GHR: variants seen among roughly 807,000 people sequenced by gnomAD.
GHR encodes the protein GH receptor.
Under a neutral mutation model 67.1 loss-of-function variants are expected in GHR, and 35 were observed. The ratio of observed to expected loss-of-function variants is 0.52; its 90% CI spans 0.40 to 0.69. GHR has a LOEUF of 0.69. GHR is among the 30% of genes least tolerant of loss of function. GHR has a pLI of 0.00. For synonymous variants in GHR, 272 were observed against 269.1 expected (o/e 1.01, Z -0.10); for missense variants, 792 against 764.6 (o/e 1.04, Z -0.42).
intron 3 of GHR, among the ~76,000 whole-genome samples, chr5:42,674,961 G>C (rs902950581): frequency 1.3e-5 from 2 of 152,084 alleles, no homozygotes; most frequent in Non-Finnish European, 2.9e-5. Flanking sequence ...TTTACATTCT[G>C]AACAGAAGTG....
chr5:42,525,696 A>G (rs1747677261), intron 1 of GHR, among the ~76,000 whole-genome samples: 1 of 152,166 alleles, frequency 6.6e-6, no homozygotes, highest in South Asian at 2.1e-4. Context: ...TATCTCCCAG[A>G]ATTCCCACAG....
chr5:42,474,257 C>CAGAAAGAAAGAAAGAAAGAA (rs202146050), intron 1 of GHR, among the ~76,000 whole-genome samples: 3,316 of 87,748 alleles, frequency 0.038, 104 homozygotes, highest in Non-Finnish European at 0.049. Flanking sequence ...GAAAGACAGA[C>CAGAAAGAAAGAAAGAAAGAA]AGAAAGAAAG....
intron 7 of GHR, among the ~76,000 whole-genome samples, chr5:42,711,988 C>T (rs1345513242): frequency 1.3e-5 from 2 of 151,644 alleles, no homozygotes; most frequent in African/African-American, 4.8e-5. Context: ...AAAAATGGGA[C>T]CTATGAATTT....
intron 3 of GHR, among the ~76,000 whole-genome samples, chr5:42,668,814 A>T (rs1448824290): frequency 6.6e-6 from 1 of 152,156 alleles, no homozygotes; most frequent in Admixed American, 6.6e-5. Flanking sequence ...ACATCCCAAT[A>T]AGCCTGTTGT....
At position 42,720,673 on chromosome 5, in the gene GHR, TAGAC is replaced by T. The variant is rs886060646; in HGVS notation, c.*1253_*1256del. On this transcript the variant is annotated 3_prime_UTR_variant, in exon 10 of 10. Transcript: ENST00000230882. ...ATTTTTCATGATAATGAACAGAACATAGACAGAAGAAACAAGGTTTTCAGTCCCC... is the reference window on the plus strand; with the variant it reads ...ATTTTTCATGATAATGAACAGAACATAGAAGAAACAAGGTTTTCAGTCCCC... The T allele has an allele frequency of 7.9e-5, 12 of 152,194 alleles. No individual in the cohort carries two copies. The highest frequency in any genetic ancestry group is 5.9e-5 in the Non-Finnish European group (4 of 68,018). 9.4% of individuals were successfully genotyped at this position (152,194 alleles called of 1,614,324 possible).
At chr5:42,535,555 A>G (rs1469030456) in intron 1 of GHR, among the ~76,000 whole-genome samples, 2 of 152,032 alleles carry the variant, frequency 1.3e-5, no homozygotes, top group Non-Finnish European at 2.9e-5. Context: ...TTTGGTGACT[A>G]TGGCCTTAGA....
chr5:42,613,146 A>G (rs1315013271), intron 2 of GHR, among the ~76,000 whole-genome samples: 2 of 152,138 alleles, frequency 1.3e-5, no homozygotes, highest in East Asian at 3.9e-4. Context: ...GCCATTCTCC[A>G]GGGACCACTT....
intron 2 of GHR, among the ~76,000 whole-genome samples, chr5:42,609,734 T>G (rs1255404479): frequency 6.6e-6 from 1 of 152,230 alleles, no homozygotes; most frequent in African/African-American, 2.4e-5. Flanking sequence ...TCATTTCTGC[T>G]TTATTGTGAA....
intron 1 of GHR, among the ~76,000 whole-genome samples, chr5:42,485,299 A>AT (rs1241338913): frequency 6.6e-6 from 1 of 152,080 alleles, no homozygotes; most frequent in Non-Finnish European, 1.5e-5. Flanking sequence ...GTCTAGCTCT[A>AT]TTTCATCTTC....
chr5:42,623,436 A>G (rs1297049399), intron 2 of GHR, among the ~76,000 whole-genome samples: 1 of 152,056 alleles, frequency 6.6e-6, no homozygotes, highest in East Asian at 1.9e-4. Flanking sequence ...CTTCTTCCCT[A>G]ATTCAACACA....
intron 3 of GHR, among the ~76,000 whole-genome samples, chr5:42,675,102 G>A (rs1756506194): frequency 6.6e-6 from 1 of 152,080 alleles, no homozygotes; most frequent in Non-Finnish European, 1.5e-5. Context: ...AGTGCTAATT[G>A]TTTTTGCATA....
intron 1 of GHR, among the ~76,000 whole-genome samples, chr5:42,526,606 A>T (rs991444398): frequency 2.6e-5 from 4 of 152,160 alleles, no homozygotes; most frequent in Non-Finnish European, 5.9e-5. Flanking sequence ...GGGCTTTAAG[A>T]CTTCAAAACT....
chr5:42,465,711 A>T (rs887088729), intron 1 of GHR: 5 of 898,900 alleles, frequency 5.6e-6, no homozygotes, highest in African/African-American at 1.6e-5. Context: ...GAAAAAAAAG[A>T]TCTATCACTT....
intron 3 of GHR, among the ~76,000 whole-genome samples, chr5:42,680,546 C>A (rs1028655312): frequency 6.6e-6 from 1 of 151,722 alleles, no homozygotes; most frequent in Non-Finnish European, 1.5e-5. Flanking sequence ...CTATGTCACC[C>A]AGGCTGGGGT....
At chr5:42,437,529 ATATTTATTTATT>A (rs375521431) in intron 1 of GHR, among the ~76,000 whole-genome samples, 1,742 of 148,010 alleles carry the variant, frequency 0.012, 26 homozygotes, top group African/African-American at 0.039. Flanking sequence ...TATTATTTTT[ATATTTATTTATT>A]TATTTATTTA....
intron 1 of GHR, among the ~76,000 whole-genome samples, chr5:42,547,704 G>C (rs1561112584): frequency 1.3e-5 from 2 of 152,176 alleles, no homozygotes; most frequent in Non-Finnish European, 2.9e-5. Context: ...ACTAAATTAA[G>C]ATGCAGGAAT....
intron 3 of GHR, among the ~76,000 whole-genome samples, chr5:42,662,533 A>C (rs538045184): frequency 1.2e-4 from 18 of 152,346 alleles, no homozygotes; most frequent in African/African-American, 4.3e-4. Context: ...TGAAGGCAGA[A>C]ATAAAGATGT....
chr5:42,465,839 T>G (rs1296926389), intron 1 of GHR: 1 of 762,040 alleles, frequency 1.3e-6, no homozygotes, highest in African/African-American at 1.7e-5. Flanking sequence ...AATAGGTCGG[T>G]CAATAATCAG....
intron 1 of GHR, among the ~76,000 whole-genome samples, chr5:42,489,949 GA>G (rs200329012): frequency 1.1e-4 from 16 of 147,300 alleles, no homozygotes; most frequent in Middle Eastern, 7.1e-3. Flanking sequence ...AAGAAGACGA[GA>G]AAAAAAAACA....
Sources: allele counts gnomAD v4.1 joint callset (sites outside exome capture counted in the v4.1 genomes callset), GRCh38; gene constraint gnomAD v4.1.1; transcripts MANE v1.5; gene names NCBI Gene and HGNC (gene_info 2026-07-23, HGNC 2026-07-21).